Variants in WDR48 observed in about 807,000 individuals in gnomAD.
WDR48 encodes WD repeat domain 48.
In WDR48, 22 loss-of-function variants were observed where a neutral mutation model predicts 94.0. The observed-to-expected ratio is 0.23, with a 90% CI of 0.17 to 0.33. WDR48 has a LOEUF of 0.33. WDR48 is among the 10% of genes least tolerant of loss of function. The pLI, the probability that WDR48 is intolerant of heterozygous loss-of-function variation, is 1.00. For missense variants in WDR48, 541 were observed against 813.8 expected (o/e 0.66, Z 4.08); for synonymous variants, 278 against 280.5 (o/e 0.99, Z 0.09).
At chr3:39,061,142 C>T (rs576919945) in intron 1 of WDR48, among the ~76,000 whole-genome samples, 1 of 152,158 alleles carries the variant, frequency 6.6e-6, no homozygotes, top group African/African-American at 2.4e-5. Flanking sequence ...GGTACATGTG[C>T]ACAACGTGCA....
At chr3:39,088,852 T>A (rs2034944522) in intron 15 of WDR48, among the ~76,000 whole-genome samples, 1 of 152,212 alleles carries the variant, frequency 6.6e-6, no homozygotes, top group South Asian at 2.1e-4. Flanking sequence ...TTATCTATCT[T>A]TCTGATAGTT....
At chr3:39,061,331 C>T (rs547725224) in intron 1 of WDR48, among the ~76,000 whole-genome samples, 11 of 145,002 alleles carry the variant, frequency 7.6e-5, no homozygotes, top group Admixed American at 2.1e-4. Flanking sequence ...CTCCCACTTA[C>T]GAGTGAGAAC....
chr3:39,089,898 C>A (rs2034994863), intron 16 of WDR48: 1 of 151,954 alleles, frequency 6.6e-6, no homozygotes, highest in African/African-American at 2.4e-5. Context: ...TTAATCAGTC[C>A]CCTATTAATG....
Position 39,069,654 on chromosome 3 carries a change from A to G in WDR48, c.582A>G (p.Val194=), listed in dbSNP as rs772968278. The G allele has an allele frequency of 1.9e-6, 3 of 1,612,562 alleles. No homozygotes were observed. Among genetic ancestry groups the G allele is most frequent in the South Asian group, 1.1e-5 (1 of 90,946 alleles). ...ATTAAAATTCACAGGTGTTACGGGT[A>G]TGGGATCCAAGAACATGTGCAAAAC... is the stretch of plus-strand genomic sequence containing the variant. ...VSGSTEKVLR[V]WDPRTCAKLM... is the part of the protein sequence containing the mutation. Residue 194 remains valine, a synonymous_variant, in exon 7 of 19, where the codon GTA becomes GTG. Coordinates refer to ENST00000302313, the MANE Select transcript of WDR48 (RefSeq NM_020839.4).
intron 12 of WDR48, 24 bp downstream of exon 12, chr3:39,084,286 A>G: frequency 1.3e-6 from 2 of 1,485,590 alleles, no homozygotes; most frequent in Non-Finnish European, 1.9e-6. Context: ...TGATACTTGT[A>G]TGATTTGGGA....
In WDR48 at chr3:39,094,796, A is replaced by G; in HGVS notation, c.*53A>G. 1 of 1,606,738 alleles carries G rather than the reference A, an allele frequency of 6.2e-7. No homozygotes were observed. The highest frequency in any genetic ancestry group is 1.3e-5 in the African/African-American group (1 of 74,780). On this transcript the variant is annotated 3_prime_UTR_variant, in exon 19 of 19. Transcript: ENST00000302313. ...ATTTACGACCTTCCTCTATGGCCCC[A>G]AGAGTAGTCCTAGGAAGCCCACTGA...
intron 1 of WDR48, among the ~76,000 whole-genome samples, chr3:39,061,572 T>C (rs2033267384): frequency 6.6e-6 from 1 of 152,130 alleles, no homozygotes; most frequent in African/African-American, 2.4e-5. Flanking sequence ...GTGGGCATGT[T>C]TCTTTATAGT....
intron 10 of WDR48, 69 bp downstream of exon 10, chr3:39,078,308 C>A: frequency 1.9e-6 from 2 of 1,050,310 alleles, no homozygotes; most frequent in Non-Finnish European, 2.9e-6. Context: ...TGACAAAAAT[C>A]AAGACAATGA....
At chr3:39,078,827 G>A (rs960302807) in intron 10 of WDR48, among the ~76,000 whole-genome samples, 8 of 151,494 alleles carry the variant, frequency 5.3e-5, no homozygotes, top group East Asian at 3.9e-4. Context: ...TCAGGAGATC[G>A]AGACCATCCC....
intron 2 of WDR48, 124 bp downstream of exon 2, chr3:39,063,314 A>G (rs2033391246): frequency 2.4e-6 from 3 of 1,238,092 alleles, no homozygotes; most frequent in African/African-American, 1.5e-5. Flanking sequence ...GGTACACTCT[A>G]TAAAGACATC....
chr3:39,088,355 G>T, intron 15 of WDR48, 122 bp downstream of exon 15: 1 of 929,344 alleles, frequency 1.1e-6, no homozygotes. Flanking sequence ...GGGATGCCAG[G>T]GATTGGAAGC....
chr3:39,074,640 G>T (rs1009453152), intron 7 of WDR48, 86 bp from the exon 8 acceptor site: 6 of 1,295,676 alleles, frequency 4.6e-6, no homozygotes, highest in Non-Finnish European at 6.6e-6. Context: ...GTGTTTGACA[G>T]TGTGGACTCG....
intron 5 of WDR48, among the ~76,000 whole-genome samples, chr3:39,067,672 A>G (rs1018847536): frequency 1.3e-5 from 2 of 152,230 alleles, no homozygotes; most frequent in Non-Finnish European, 2.9e-5. Context: ...TCCCTACATT[A>G]TAGGTCCATT....
At chr3:39,091,547 T>C (rs1359752397) in intron 16 of WDR48, 78 bp from the exon 17 acceptor site, 2 of 1,069,702 alleles carry the variant, frequency 1.9e-6, no homozygotes, top group East Asian at 2.8e-5. Context: ...TACTTGCAAG[T>C]CATGTTTTCC....
intron 14 of WDR48, 45 bp downstream of exon 14, chr3:39,085,655 T>G (rs2125677999): frequency 1.3e-6 from 2 of 1,523,980 alleles, no homozygotes; most frequent in East Asian, 4.5e-5. Context: ...TTAGAGGTAC[T>G]TACTTAAAAG....
At chr3:39,082,995 G>A (rs2034616537) in intron 11 of WDR48, among the ~76,000 whole-genome samples, 2 of 152,172 alleles carry the variant, frequency 1.3e-5, no homozygotes, top group Non-Finnish European at 2.9e-5. Flanking sequence ...AAAGTTGCGG[G>A]GGAGTAAGAA....
chr3:39,078,824 A>T (rs1379616730), intron 10 of WDR48, among the ~76,000 whole-genome samples: 6 of 151,528 alleles, frequency 4.0e-5, no homozygotes, highest in Admixed American at 3.9e-4. Context: ...AGGTCAGGAG[A>T]TCGAGACCAT....
chr3:39,093,147 G>A (rs1313246302), intron 17 of WDR48, among the ~76,000 whole-genome samples: 1 of 152,168 alleles, frequency 6.6e-6, no homozygotes, highest in East Asian at 1.9e-4. Context: ...AGAAGGTTGA[G>A]ACTCAAGGTC....
rs1421058696 is a variant in WDR48, at chr3:39,074,731, G to T, written c.678G>T (p.Leu226=). 1.2e-6 allele frequency: 2 copies of T among 1,613,942 alleles called. No individual in the cohort carries two copies. Among genetic ancestry groups the T allele is most frequent in the Non-Finnish European group, 1.7e-6 (2 of 1,179,934 alleles). Residue 226 remains leucine (L), a synonymous_variant, in exon 8 of 19, where the codon CTG becomes CTT. Transcript: ENST00000302313. ...TTGCCTTTCTTTGTTTGCAGTGCCT[G>T]TCAGGCAGTTCTGATGGGACAATTC... is the stretch of plus-strand genomic sequence containing the variant. The part of the protein sequence containing the change: ...LLLNRDGTQC[L]SGSSDGTIRL...
Sources: gnomAD v4.1 joint callset for allele counts (sites outside exome capture counted in the v4.1 genomes callset) on GRCh38, gnomAD v4.1.1 for gene constraint, MANE v1.5 for transcripts, NCBI Gene and HGNC (gene_info 2026-07-23, HGNC 2026-07-21) for gene names.